ITGAV: variants seen among roughly 807,000 people sequenced by gnomAD.
ITGAV encodes the protein integrin subunit alpha V, also known as integrin alpha-V.
ITGAV carries 76 observed loss-of-function variants against 143.8 expected under a neutral mutation model. The observed-to-expected ratio is 0.53, with a 90% confidence interval of 0.44 to 0.64. The LOEUF is 0.64. Ranked by LOEUF, ITGAV falls within the 30% of genes least tolerant of loss-of-function variation. The pLI, the probability that ITGAV is intolerant of heterozygous loss-of-function variation, is 0.00. For synonymous variants in ITGAV, 453 were observed against 446.7 expected, an observed-to-expected ratio of 1.01 and a Z score of -0.18; for missense variants, 1,193 against 1,274.7, an observed-to-expected ratio of 0.94 and a Z score of 0.98.
At chr2:186,600,306 C>A in intron 1 of ITGAV, 1 of 1,536,302 alleles carries the variant, frequency 6.5e-7, no homozygotes. Context: ...CATCCCCACC[C>A]CCCACTCCCC....
intron 8 of ITGAV, among the ~76,000 whole-genome samples, chr2:186,637,381 G>A (rs1687975676): frequency 6.6e-6 from 1 of 151,492 alleles, no homozygotes; most frequent in Non-Finnish European, 1.5e-5. Flanking sequence ...TCAGGAGGCT[G>A]AGGTGGGAGG....
chr2:186,672,696 A>T (rs773271336), intron 26 of ITGAV, among the ~76,000 whole-genome samples: 1 of 152,214 alleles, frequency 6.6e-6, no homozygotes, highest in Non-Finnish European at 1.5e-5. Flanking sequence ...GATATTCAGC[A>T]TCTTTTCAGT....
intron 4 of ITGAV, among the ~76,000 whole-genome samples, chr2:186,626,555 T>C (rs1435329011): frequency 6.6e-6 from 1 of 152,218 alleles, no homozygotes; most frequent in Non-Finnish European, 1.5e-5. Flanking sequence ...ATTTGTTTTG[T>C]CCATGTTAGG....
chr2:186,646,957 T>C, intron 13 of ITGAV, 80 bp downstream of exon 13: 1 of 956,268 alleles, frequency 1.0e-6, no homozygotes, highest in Non-Finnish European at 1.5e-6. Context: ...TCTTGATTTA[T>C]GTTATAAATT....
intron 2 of ITGAV, among the ~76,000 whole-genome samples, chr2:186,621,168 T>C (rs930958726): frequency 2.6e-5 from 4 of 152,216 alleles, no homozygotes; most frequent in Admixed American, 2.0e-4. Context: ...CTTGTACATA[T>C]ATTTTGTACT....
In ITGAV at chr2:186,678,675, T is replaced by C. The variant is rs1488508136; in HGVS notation, c.*1383T>C. 2.2e-6 allele frequency: 1 copy of C among 454,492 alleles called. No individual in the cohort carries two copies. The highest frequency in any genetic ancestry group is 4.4e-6 in the Non-Finnish European group (1 of 225,974). The allele number at this position is 454,492 out of a possible 1,614,324, so 28.2% of individuals were successfully genotyped here. On this transcript the variant is annotated 3_prime_UTR_variant, in exon 30 of 30. Coordinates refer to ENST00000261023, the MANE Select transcript of ITGAV (RefSeq NM_002210.5). ...TAGAGTGGTGAACCTTCTAGAGGAA[T>C]ATATGATTTATTCACAGTTCCTCAA...
Position 186,678,490 on chromosome 2 carries a change from A to G in ITGAV, c.*1198A>G. 4.2e-6 allele frequency: 1 copy of G among 235,318 alleles called. No individual in the cohort carries two copies. The highest frequency in any genetic ancestry group is 1.2e-4 in the East Asian group (1 of 8,252). 14.6% of individuals were successfully genotyped at this position (235,318 alleles called of 1,614,324 possible). On this transcript the variant is annotated 3_prime_UTR_variant, in exon 30 of 30. Coordinates refer to ENST00000261023, the MANE Select transcript of ITGAV (RefSeq NM_002210.5). ...TTTAAGCAAGGTAATGTGTAAAATC[A>G]GTCTCGGCTGTCAGAATAACTTCTA...
Position 186,646,376 on chromosome 2 carries a change from G to C in ITGAV, c.1160-310G>C, listed in dbSNP as rs563405694. Among the ~76,000 whole-genome samples, 4 of 152,230 alleles carry C rather than the reference G, an allele frequency of 2.6e-5. No individual in the cohort carries two copies. In the South Asian group the frequency reaches 8.3e-4, roughly 32 times the overall value. On this transcript the variant is annotated intron_variant, in intron 12 of 29. Transcript: ENST00000261023. ...GTGGTCCAGAAAGTTTAAGTGATTG[G>C]TTTAAGGTCAGAGCCAGATTATCTG...
chr2:186,641,941 A>C (rs1369058885), intron 12 of ITGAV, among the ~76,000 whole-genome samples: 1 of 151,496 alleles, frequency 6.6e-6, no homozygotes, highest in African/African-American at 2.5e-5. Context: ...ATTTGGCTAC[A>C]AGTGTTAAAA....
intron 16 of ITGAV, among the ~76,000 whole-genome samples, chr2:186,655,920 CAT>C (rs1162802829): frequency 2.6e-5 from 4 of 152,290 alleles, no homozygotes; most frequent in African/African-American, 2.4e-5. Flanking sequence ...TCTTAATTCA[CAT>C]GTTTCATCCT....
At position 186,668,772 on chromosome 2, in the gene ITGAV, A is replaced by G. The variant is rs61757099; in HGVS notation, c.2444A>G (p.Asn815Ser). Residue 815 changes from asparagine to serine, a missense_variant, in exon 25 of 30, where the codon AAT becomes AGT. Coordinates refer to ENST00000261023, the MANE Select transcript of ITGAV (RefSeq NM_002210.5). Reference protein sequence around the residue: ...VVQHIYELRNNGPSSFSKAML... With the variant: ...VVQHIYELRNSGPSSFSKAML... ...CTTTTTTCTCCTTAGCTGAGAAACA[A>G]TGGTCCAAGTTCATTCAGCAAGGCA... 6.3e-5 allele frequency: 101 copies of G among 1,612,690 alleles called. No individual in the cohort carries two copies. The East Asian group carries it at 1.6e-3, about 25-fold the overall frequency.
intron 1 of ITGAV, among the ~76,000 whole-genome samples, chr2:186,596,732 AG>A (rs1223644402): frequency 6.6e-6 from 1 of 152,050 alleles, no homozygotes; most frequent in Non-Finnish European, 1.5e-5. Flanking sequence ...TTTTTTATAT[AG>A]CATCTTTTAT....
chr2:186,607,232 C>T (rs986416706), intron 2 of ITGAV, among the ~76,000 whole-genome samples: 1 of 152,002 alleles, frequency 6.6e-6, no homozygotes, highest in Non-Finnish European at 1.5e-5. Flanking sequence ...CTTAAAAGTG[C>T]CCTGTCCTCA....
At position 186,632,355 on chromosome 2, in the gene ITGAV, G is replaced by T. The variant is rs553509076; in HGVS notation, c.586-974G>T. Among the ~76,000 whole-genome samples, 12 of 152,062 alleles carry T rather than the reference G, an allele frequency of 7.9e-5. No homozygotes were observed. In the South Asian group the frequency reaches 2.3e-3, roughly 29 times the overall value. On this transcript the variant is annotated intron_variant, in intron 5 of 29. Transcript: ENST00000261023. ...ACTGTGAAAGTCATTGCTAAATTAG[G>T]TATTCACTTTCTTAAACACATTTCT...
intron 12 of ITGAV, among the ~76,000 whole-genome samples, chr2:186,644,803 G>T (rs1389939823): frequency 1.3e-5 from 2 of 149,122 alleles, no homozygotes; most frequent in African/African-American, 4.9e-5. Flanking sequence ...GCATCCAATG[G>T]GGGCAGCATA....
At chr2:186,646,041 AG>A (rs1235957705) in intron 12 of ITGAV, among the ~76,000 whole-genome samples, 15 of 152,292 alleles carry the variant, frequency 9.8e-5, no homozygotes, top group African/African-American at 3.4e-4. Context: ...TGACTTGTCT[AG>A]GGTGGCAGCA....
chr2:186,673,649 T>TTTA (rs1257971412), intron 26 of ITGAV, among the ~76,000 whole-genome samples: 1 of 152,102 alleles, frequency 6.6e-6, no homozygotes, highest in Admixed American at 6.5e-5. Flanking sequence ...TTCAATGCTT[T>TTTA]TTATTATTAT....
intron 17 of ITGAV, 27 bp from the exon 18 acceptor site, chr2:186,659,011 A>G (rs755024035): frequency 5.7e-6 from 9 of 1,589,348 alleles, no homozygotes; most frequent in Admixed American, 3.4e-5. Context: ...TGACGTTATC[A>G]TTAATTCAAA....
chr2:186,590,636 C>G (rs1686591592), intron 1 of ITGAV, 113 bp downstream of exon 1: 1 of 945,732 alleles, frequency 1.1e-6, no homozygotes, highest in African/African-American at 1.7e-5. Flanking sequence ...GTCTGTCTCA[C>G]CCATCCTACC....
Sources: gnomAD v4.1 joint callset for allele counts (sites outside exome capture counted in the v4.1 genomes callset) on GRCh38, gnomAD v4.1.1 for gene constraint, MANE v1.5 for transcripts, NCBI Gene and HGNC (gene_info 2026-07-23, HGNC 2026-07-21) for gene names.